The following GRM5 variants were observed in gnomAD, a reference collection of about 807,000 sequenced individuals.
GRM5 encodes the protein metabotropic glutamate receptor 5.
GRM5 carries 19 observed loss-of-function variants against 83.1 expected under a neutral mutation model. The ratio of observed to expected loss-of-function variants is 0.23; its 90% confidence interval spans 0.16 to 0.34. The LOEUF is 0.34. Among genes scored for constraint, GRM5 ranks in the 10% least tolerant of loss-of-function variants. The probability of loss-of-function intolerance (pLI) is 1.00; values close to 1 mark genes in which losing one functional copy is unlikely to be tolerated. For synonymous variants in GRM5, 675 were observed against 633.6 expected (o/e 1.07, Z -0.98); for missense variants, 1,160 against 1,588.3 (o/e 0.73, Z 4.58).
At chr11:88,905,353 A>G (rs1945384687) in intron 2 of GRM5, among the ~76,000 whole-genome samples, 1 of 152,020 alleles carries the variant, frequency 6.6e-6, no homozygotes, top group Non-Finnish European at 1.5e-5. Context: ...TTATTCATTT[A>G]CTTATTTTGA....
intron 8 of GRM5, among the ~76,000 whole-genome samples, chr11:88,543,304 C>T (rs1049090340): frequency 3.9e-5 from 6 of 152,196 alleles, no homozygotes; most frequent in Middle Eastern, 3.4e-3. Context: ...TAGAGCTGAC[C>T]GTTTAAGCTT....
intron 8 of GRM5, among the ~76,000 whole-genome samples, chr11:88,543,997 G>A (rs1942334278): frequency 1.3e-5 from 2 of 152,134 alleles, no homozygotes; most frequent in Non-Finnish European, 2.9e-5. Flanking sequence ...TATCATGGGA[G>A]TGGGTTAGTT....
chr11:88,764,613 A>C (rs1249355186), intron 3 of GRM5, among the ~76,000 whole-genome samples: 4 of 151,696 alleles, frequency 2.6e-5, no homozygotes, highest in African/African-American at 9.7e-5. Flanking sequence ...TACATGAATC[A>C]AAAAAACAAA....
intron 2 of GRM5, among the ~76,000 whole-genome samples, chr11:89,008,322 T>G (rs1339369526): frequency 6.6e-6 from 1 of 152,110 alleles, no homozygotes; most frequent in African/African-American, 2.4e-5. Flanking sequence ...ATATTCAAAA[T>G]AAAATTAAAT....
rs561639238 is a variant in GRM5 at position 88,716,480 on chromosome 11, T to A, written c.912-63077A>T. Among the ~76,000 whole-genome samples the A allele has an allele frequency of 1.3e-3, 202 of 152,020 alleles. 4 individuals carry two copies. The South Asian group carries it at 0.04, about 30-fold the overall frequency. ...AGGAATACCCAAAGGAGGTTTTAAA[T>A]AAGACAAATGAAGCTGCATTCCCTC... On this transcript the variant is annotated intron_variant, in intron 3 of 9. Transcript: ENST00000305447.
At chr11:89,046,898 A>C (rs1281602375) in intron 2 of GRM5, among the ~76,000 whole-genome samples, 9 of 152,234 alleles carry the variant, frequency 5.9e-5, no homozygotes, top group Non-Finnish European at 1.0e-4. Context: ...AGAGACTTGA[A>C]AACCTCTAGT....
chr11:88,707,660 A>C (rs1941193368), intron 3 of GRM5, among the ~76,000 whole-genome samples: 2 of 152,122 alleles, frequency 1.3e-5, no homozygotes, highest in Non-Finnish European at 2.9e-5. Flanking sequence ...TATCTGTAGG[A>C]ATCCTGGAAC....
chr11:88,989,101 G>A lies in GRM5; in HGVS notation c.661+58111C>T, dbSNP rs1305765579. Among the ~76,000 whole-genome samples the A allele has an allele frequency of 4.6e-5, 7 of 150,928 alleles. No homozygotes were observed. The East Asian group carries it at 5.8e-4, about 13-fold the overall frequency. ...AAGAGTCAAGACCCATCAGTGTGCT[G>A]TATTCAGGAAACCCATCTCACGTGC... On this transcript the variant is annotated intron_variant, in intron 2 of 9. Coordinates refer to ENST00000305447, the MANE Select transcript of GRM5 (RefSeq NM_001143831.3).
chr11:88,800,312 T>C (rs1274668144), intron 3 of GRM5, among the ~76,000 whole-genome samples: 1 of 152,082 alleles, frequency 6.6e-6, no homozygotes, highest in Non-Finnish European at 1.5e-5. Flanking sequence ...GTACTGTTTT[T>C]GTGTGCTATG....
chr11:88,647,597 G>T (rs1408672211), intron 4 of GRM5, among the ~76,000 whole-genome samples: 2 of 152,038 alleles, frequency 1.3e-5, no homozygotes, highest in Non-Finnish European at 2.9e-5. Flanking sequence ...GCATGGGCAA[G>T]GACTTCATGT....
intron 3 of GRM5, among the ~76,000 whole-genome samples, chr11:88,765,060 G>C (rs1042607360): frequency 2.0e-5 from 3 of 151,354 alleles, no homozygotes; most frequent in Non-Finnish European, 4.4e-5. Flanking sequence ...ATTATAAAGA[G>C]TATTATGAAT....
chr11:88,817,060 G>C (rs1347783107), intron 3 of GRM5, among the ~76,000 whole-genome samples: 1 of 151,952 alleles, frequency 6.6e-6, no homozygotes, highest in African/African-American at 2.4e-5. Flanking sequence ...TTATTGTTGA[G>C]TTTATTTTAA....
chr11:88,522,967 G>A (rs1293055484), intron 9 of GRM5: 1 of 151,684 alleles, frequency 6.6e-6, no homozygotes, highest in Non-Finnish European at 1.5e-5. Context: ...AAGGAAGCCT[G>A]GTATGTTTAT....
intron 1 of GRM5, among the ~76,000 whole-genome samples, chr11:89,061,660 T>C (rs1941995424): frequency 6.6e-6 from 1 of 152,236 alleles, no homozygotes; most frequent in African/African-American, 2.4e-5. Context: ...AATTTCCCCC[T>C]GGGTGTTTGT....
At chr11:88,999,015 T>C (rs1226275688) in intron 2 of GRM5, among the ~76,000 whole-genome samples, 3 of 152,144 alleles carry the variant, frequency 2.0e-5, no homozygotes, top group African/African-American at 4.8e-5. Context: ...TAAATGGTGC[T>C]GGGAAAACTG....
chr11:88,933,007 C>T (rs1391158564), intron 2 of GRM5, among the ~76,000 whole-genome samples: 1 of 151,850 alleles, frequency 6.6e-6, no homozygotes, highest in Non-Finnish European at 1.5e-5. Context: ...TTGGAAAACA[C>T]ACTATCTGAG....
intron 1 of GRM5, among the ~76,000 whole-genome samples, chr11:89,064,022 C>A (rs1942051788): frequency 1.3e-5 from 2 of 152,140 alleles, no homozygotes; most frequent in Non-Finnish European, 1.5e-5. Context: ...GAAGGAGTGT[C>A]AAGGACATGG....
chr11:88,842,867 G>A (rs1590904166), intron 3 of GRM5, among the ~76,000 whole-genome samples: 1 of 152,138 alleles, frequency 6.6e-6, no homozygotes, highest in East Asian at 1.9e-4. Context: ...CTACCTAGTA[G>A]ACTACTTTAT....
At chr11:88,644,809 G>A (rs1366057547) in intron 4 of GRM5, among the ~76,000 whole-genome samples, 1 of 152,150 alleles carries the variant, frequency 6.6e-6, no homozygotes. Flanking sequence ...AGATTACAGA[G>A]AAAGAAAGGG....
Sources: gnomAD v4.1 joint callset for allele counts (sites outside exome capture counted in the v4.1 genomes callset) on GRCh38, gnomAD v4.1.1 for gene constraint, MANE v1.5 for transcripts, NCBI Gene and HGNC (gene_info 2026-07-23, HGNC 2026-07-21) for gene names.